SSBP2: variants seen among roughly 807,000 people sequenced by gnomAD.
The protein encoded by SSBP2 is single stranded DNA binding protein 2.
SSBP2 carries 17 observed loss-of-function variants against 61.8 expected under a neutral mutation model. That is an observed-to-expected ratio of 0.28 (90% CI 0.19 to 0.41). The LOEUF is 0.41. Ranked by LOEUF, SSBP2 falls within the 10% of genes least tolerant of loss-of-function variation. The pLI, the probability that SSBP2 is intolerant of heterozygous loss-of-function variation, is 1.00. For synonymous variants in SSBP2, 139 were observed against 141.3 expected, an observed-to-expected ratio of 0.98 and a Z score of 0.12; for missense variants, 310 against 458.7, an observed-to-expected ratio of 0.68 and a Z score of 2.96.
intron 4 of SSBP2, among the ~76,000 whole-genome samples, chr5:81,609,837 T>C (rs1190743730): frequency 3.9e-5 from 6 of 152,194 alleles, no homozygotes; most frequent in Admixed American, 3.3e-4. Flanking sequence ...TAACCTTTTT[T>C]GCATACTCAC....
At chr5:81,621,614 C>T (rs1236236170) in intron 3 of SSBP2, among the ~76,000 whole-genome samples, 5 of 83,616 alleles carry the variant, frequency 6.0e-5, no homozygotes, top group Non-Finnish European at 1.1e-4. Context: ...GGGTATATAC[C>T]CAAAGGCCTA....
At position 81,598,864 on chromosome 5, in the gene SSBP2, T is replaced by C. The variant is rs147223027; in HGVS notation, c.282+16609A>G. ...GGCATACTTAGTCTTCATTCTATAA[T>C]GGTTTATGATTTACCAAACCCAGAT... On this transcript the variant is annotated intron_variant, in intron 4 of 16. Coordinates refer to ENST00000320672, the MANE Select transcript of SSBP2 (RefSeq NM_012446.5). Among the ~76,000 whole-genome samples, 302 of 152,310 alleles carry C rather than the reference T, an allele frequency of 2.0e-3. 7 individuals carry two copies. In the East Asian group the frequency reaches 0.043, roughly 21 times the overall value.
intron 4 of SSBP2, among the ~76,000 whole-genome samples, chr5:81,563,966 T>C (rs1773241937): frequency 6.6e-6 from 1 of 152,146 alleles, no homozygotes; most frequent in East Asian, 1.9e-4. Context: ...AAGAAAATAT[T>C]TGCAAACCAT....
intron 4 of SSBP2, among the ~76,000 whole-genome samples, chr5:81,594,351 A>T (rs1743477233): frequency 6.6e-6 from 1 of 152,194 alleles, no homozygotes; most frequent in Admixed American, 6.5e-5. Context: ...GCAAGTCCTT[A>T]GTGACCTACA....
chr5:81,486,132 A>G (rs1339529656), intron 6 of SSBP2, among the ~76,000 whole-genome samples: 1 of 152,128 alleles, frequency 6.6e-6, no homozygotes, highest in Non-Finnish European at 1.5e-5. Flanking sequence ...AGAAGAGTAC[A>G]ATTGTTTTAA....
chr5:81,555,593 T>G (rs1331385842), intron 4 of SSBP2, among the ~76,000 whole-genome samples: 1 of 152,078 alleles, frequency 6.6e-6, no homozygotes, highest in Non-Finnish European at 1.5e-5. Context: ...GCTTCTATGT[T>G]GTCACCCTGG....
intron 1 of SSBP2, 53 bp downstream of exon 1, chr5:81,750,928 G>GT: frequency 6.5e-7 from 1 of 1,541,170 alleles, no homozygotes; most frequent in Non-Finnish European, 8.8e-7. Flanking sequence ...GAGTGCGTGC[G>GT]TGAGTGTGCG....
chr5:81,500,090 G>A (rs1048107136), intron 5 of SSBP2, among the ~76,000 whole-genome samples: 1 of 151,968 alleles, frequency 6.6e-6, no homozygotes, highest in Non-Finnish European at 1.5e-5. Flanking sequence ...TACTTCTTTA[G>A]GAATGAAAAA....
At position 81,721,600 on chromosome 5, in the gene SSBP2, GAAAACA is replaced by G. The variant is rs544994603; in HGVS notation, c.62+29375_62+29380del. 8.2e-4 allele frequency among the ~76,000 whole-genome samples: 125 copies of G among 151,998 alleles called. 2 individuals are homozygous for G. The highest frequency in any genetic ancestry group is 2.7e-3 in the African/African-American group (110 of 41,468). On this transcript the variant is annotated intron_variant, in intron 1 of 16. Transcript: ENST00000320672. Reference sequence around the variant, plus strand: ...TGACTAACTAATCAACATGGAAACTGAAAACAAAAACAAAAACAAAAACAAAAACTA... The same window carrying G: ...TGACTAACTAATCAACATGGAAACTGAAAACAAAAACAAAAACAAAAACTA...
chr5:81,613,080 T>G (rs146563370), intron 4 of SSBP2, among the ~76,000 whole-genome samples: 5 of 152,238 alleles, frequency 3.3e-5, no homozygotes, highest in Admixed American at 2.6e-4. Flanking sequence ...AAACTCTATC[T>G]TTTCACCAGC....
rs530216493 is a variant in SSBP2, at chr5:81,439,060, A to G, written c.928+1498T>C. Among the ~76,000 whole-genome samples the G allele has an allele frequency of 5.3e-5, 8 of 152,224 alleles. 1 individual carries two copies. In the South Asian group the frequency reaches 1.7e-3, roughly 31 times the overall value. The stretch of plus-strand genomic sequence containing the variant: ...TAGGCAAAATAAGTATGAATTCTTA[A>G]AAGCTCAAAAGTCTCTTAGTGTACT... On this transcript the variant is annotated intron_variant, in intron 14 of 16. Coordinates refer to ENST00000320672, the MANE Select transcript of SSBP2 (RefSeq NM_012446.5).
chr5:81,548,203 A>C (rs1426039323), intron 4 of SSBP2, among the ~76,000 whole-genome samples: 1 of 152,206 alleles, frequency 6.6e-6, no homozygotes, highest in Admixed American at 6.5e-5. Flanking sequence ...AATGTATATT[A>C]GGGTATACAT....
intron 1 of SSBP2, among the ~76,000 whole-genome samples, chr5:81,717,410 C>T (rs1755235676): frequency 6.6e-6 from 1 of 152,118 alleles, no homozygotes; most frequent in Non-Finnish European, 1.5e-5. Flanking sequence ...GTTTCTATGC[C>T]ATGAGTAATA....
chr5:81,482,707 C>T (rs1184904004), intron 6 of SSBP2, among the ~76,000 whole-genome samples: 1 of 152,158 alleles, frequency 6.6e-6, no homozygotes, highest in Non-Finnish European at 1.5e-5. Flanking sequence ...CTGTCCAGAC[C>T]ATAAAAACTT....
At chr5:81,689,760 G>A (rs1196816478) in intron 1 of SSBP2, among the ~76,000 whole-genome samples, 3 of 152,042 alleles carry the variant, frequency 2.0e-5, no homozygotes, top group African/African-American at 7.2e-5. Context: ...ATCATTTAAA[G>A]GTACAAAACT....
At chr5:81,457,820 C>A (rs1174102468) in intron 10 of SSBP2, among the ~76,000 whole-genome samples, 3 of 151,920 alleles carry the variant, frequency 2.0e-5, no homozygotes, top group African/African-American at 7.3e-5. Flanking sequence ...GCTACCACAC[C>A]CGGCTAATTT....
chr5:81,574,828 C>G (rs538377539), intron 4 of SSBP2, among the ~76,000 whole-genome samples: 1 of 152,150 alleles, frequency 6.6e-6, no homozygotes, highest in Non-Finnish European at 1.5e-5. Context: ...AGTTTTAAAT[C>G]CAGCAAAAAC....
chr5:81,674,595 A>ATATT (rs772756314), intron 1 of SSBP2, among the ~76,000 whole-genome samples: 1 of 152,160 alleles, frequency 6.6e-6, no homozygotes, highest in African/African-American at 2.4e-5. Flanking sequence ...ATTTCTAAAC[A>ATATT]TATTTATTCC....
At chr5:81,458,400 A>G (rs1764312773) in intron 10 of SSBP2, among the ~76,000 whole-genome samples, 1 of 152,222 alleles carries the variant, frequency 6.6e-6, no homozygotes, top group Non-Finnish European at 1.5e-5. Context: ...AGGAAATTTA[A>G]ACAGTTTAAA....
Sources: allele counts gnomAD v4.1 joint callset (sites outside exome capture counted in the v4.1 genomes callset), GRCh38; gene constraint gnomAD v4.1.1; transcripts MANE v1.5; gene names NCBI Gene and HGNC (gene_info 2026-07-23, HGNC 2026-07-21).